CSMD1: variants seen among roughly 807,000 people sequenced by gnomAD.
CSMD1 encodes the protein CUB and sushi domain-containing protein 1.
In CSMD1, 213 loss-of-function variants were observed where a neutral mutation model predicts 417.5. That is an observed-to-expected ratio of 0.51 (90% CI 0.46 to 0.57). The LOEUF (loss-of-function observed/expected upper bound fraction) is 0.57, where lower values mean the gene tolerates loss of function less well. Ranked by LOEUF, CSMD1 falls within the 20% of genes least tolerant of loss-of-function variation. The pLI, the probability that CSMD1 is intolerant of heterozygous loss-of-function variation, is 0.00. For synonymous variants in CSMD1, 2,862 were observed against 1,736.8 expected (o/e 1.65, Z -16.11); for missense variants, 6,923 against 4,529.7 (o/e 1.53, Z -15.17).
At chr8:4,141,579 G>A (rs1237155156) in intron 3 of CSMD1, among the ~76,000 whole-genome samples, 1 of 151,130 alleles carries the variant, frequency 6.6e-6, no homozygotes, top group South Asian at 2.1e-4. Context: ...TACAGAACGA[G>A]TAACTGTACT....
At chr8:3,477,338 C>G (rs552639794) in intron 11 of CSMD1, among the ~76,000 whole-genome samples, 1 of 152,300 alleles carries the variant, frequency 6.6e-6, no homozygotes, top group South Asian at 2.1e-4. Flanking sequence ...CAGATAAAAA[C>G]TTGCCTAAAA....
chr8:4,766,573 G>A (rs1163330922), intron 1 of CSMD1, among the ~76,000 whole-genome samples: 1 of 152,148 alleles, frequency 6.6e-6, no homozygotes, highest in Admixed American at 6.5e-5. Context: ...CCCAAATCTT[G>A]CCCAACATGC....
At chr8:4,704,874 A>G (rs764405223) in intron 1 of CSMD1, among the ~76,000 whole-genome samples, 26 of 152,152 alleles carry the variant, frequency 1.7e-4, no homozygotes, top group Non-Finnish European at 3.7e-4. Context: ...AGGCTCCAAA[A>G]ACCCTATGGT....
intron 12 of CSMD1, among the ~76,000 whole-genome samples, chr8:3,450,629 A>G (rs559158777): frequency 6.6e-6 from 1 of 151,826 alleles, no homozygotes; most frequent in African/African-American, 2.4e-5. Context: ...CCATGTCCCT[A>G]TAAAGGACAT....
At chr8:3,508,137 C>T (rs904806937) in intron 10 of CSMD1, among the ~76,000 whole-genome samples, 17 of 152,140 alleles carry the variant, frequency 1.1e-4, no homozygotes, top group Non-Finnish European at 2.4e-4. Context: ...AAAAACCAAA[C>T]ACCACATGTT....
At chr8:3,372,417 G>A (rs1190401130) in intron 18 of CSMD1, among the ~76,000 whole-genome samples, 1 of 152,108 alleles carries the variant, frequency 6.6e-6, no homozygotes, top group Non-Finnish European at 1.5e-5. Context: ...CCTACCTGGG[G>A]TTTAGCCCTG....
chr8:3,118,229 A>G (rs1336215618), intron 42 of CSMD1, among the ~76,000 whole-genome samples, 170 bp downstream of exon 42: 1 of 152,240 alleles, frequency 6.6e-6, no homozygotes, highest in African/African-American at 2.4e-5. Context: ...CTAACTTAAC[A>G]GCATGCGACA....
chr8:3,916,115 A>G (rs1414940856), intron 5 of CSMD1, among the ~76,000 whole-genome samples: 1 of 152,070 alleles, frequency 6.6e-6, no homozygotes, highest in African/African-American at 2.4e-5. Flanking sequence ...CAAAAAAGAT[A>G]ACATGCCAGT....
intron 2 of CSMD1, among the ~76,000 whole-genome samples, chr8:4,509,144 C>T (rs1985200): frequency 0.17 from 25,568 of 151,928 alleles, 2,189 homozygotes; most frequent in African/African-American, 0.18. Flanking sequence ...AACAATAGAC[C>T]TTTTAGGGAG....
In CSMD1 at chr8:3,107,817, GAAT is replaced by G; in HGVS notation, c.6755-22_6755-20del. ...TGAAATGCTAAATGATTAATGGAAA[GAAT>G]AATAATAATTGCAATTACACTTGCT... is the stretch of plus-strand genomic sequence containing the variant. On this transcript the variant is annotated intron_variant, in intron 44 of 69. Coordinates refer to ENST00000635120, the MANE Select transcript of CSMD1 (RefSeq NM_033225.6). 2.7e-6 allele frequency: 4 copies of G among 1,494,772 alleles called. No homozygotes were observed. The highest frequency in any genetic ancestry group is 1.2e-5 in the South Asian group (1 of 82,792). The allele number at this position is 1,494,772 out of a possible 1,614,324, so 92.6% of individuals were successfully genotyped here.
chr8:4,037,443 T>C (rs75502576), intron 3 of CSMD1, among the ~76,000 whole-genome samples: 6 of 152,224 alleles, frequency 3.9e-5, no homozygotes, highest in African/African-American at 1.4e-4. Context: ...TGGGGCATCT[T>C]AGACCATTTC....
At chr8:4,329,426 C>G (rs1001185604) in intron 3 of CSMD1, among the ~76,000 whole-genome samples, 1 of 152,160 alleles carries the variant, frequency 6.6e-6, no homozygotes, top group East Asian at 1.9e-4. Flanking sequence ...GTAGCTGGGA[C>G]TACAGGCAGG....
At chr8:4,750,285 G>GC (rs1400150566) in intron 1 of CSMD1, among the ~76,000 whole-genome samples, 14 of 152,098 alleles carry the variant, frequency 9.2e-5, no homozygotes, top group Admixed American at 7.2e-4. Flanking sequence ...GGGATTACAG[G>GC]GTGAACCACC....
rs71534362 is a variant in CSMD1, at chr8:3,609,811, C to CTTTTTTTTTT, written c.1097+6889_1097+6898dup. ...AAAAGACTGTTAAAAAGTATCTTCC[C>CTTTTTTTTTT]TTTTTTTTTTTTTTTTTTTTTTTTT... On this transcript the variant is annotated intron_variant, in intron 8 of 69. Coordinates refer to ENST00000635120, the MANE Select transcript of CSMD1 (RefSeq NM_033225.6). Among the ~76,000 whole-genome samples, 16 of 75,262 alleles carry CTTTTTTTTTT rather than the reference C, an allele frequency of 2.1e-4. 2 individuals carry two copies. Among genetic ancestry groups the CTTTTTTTTTT allele is most frequent in the Admixed American group, 9.1e-4 (4 of 4,402 alleles). The allele number at this position is 75,262 out of a possible 152,430, so 49.4% of individuals were successfully genotyped here. A position where few individuals can be genotyped will look rare whatever the true frequency, so the allele number is the denominator to read the frequency against.
intron 5 of CSMD1, among the ~76,000 whole-genome samples, chr8:3,914,440 C>CT (rs1808675680): frequency 6.6e-6 from 1 of 152,110 alleles, no homozygotes; most frequent in Admixed American, 6.5e-5. Context: ...TCTAAATCTT[C>CT]TATTTCTAAC....
intron 1 of CSMD1, among the ~76,000 whole-genome samples, chr8:4,882,183 G>C (rs1035769455): frequency 2.6e-5 from 4 of 152,010 alleles, no homozygotes; most frequent in African/African-American, 9.7e-5. Flanking sequence ...CTTGGCACTA[G>C]ACGGTGGTGT....
intron 7 of CSMD1, among the ~76,000 whole-genome samples, chr8:3,704,519 G>C (rs3739356): frequency 1.3e-5 from 2 of 152,090 alleles, no homozygotes; most frequent in Non-Finnish European, 2.9e-5. Flanking sequence ...TTAGAAAAGT[G>C]ACTCAAACAG....
intron 7 of CSMD1, among the ~76,000 whole-genome samples, chr8:3,659,022 G>C (rs553363892): frequency 6.6e-6 from 1 of 152,278 alleles, no homozygotes; most frequent in Non-Finnish European, 1.5e-5. Context: ...CCTCAGAGCA[G>C]TGTCATTTAA....
chr8:3,529,156 T>A (rs530555756), intron 10 of CSMD1, among the ~76,000 whole-genome samples: 4 of 152,178 alleles, frequency 2.6e-5, no homozygotes, highest in African/African-American at 9.7e-5. Context: ...GTAAAGACAA[T>A]ACATACGCTA....
Sources: allele counts gnomAD v4.1 joint callset (sites outside exome capture counted in the v4.1 genomes callset), GRCh38; gene constraint gnomAD v4.1.1; transcripts MANE v1.5; gene names NCBI Gene and HGNC (gene_info 2026-07-23, HGNC 2026-07-21).